Variants in SPTB observed in about 807,000 individuals in gnomAD.
SPTB encodes the protein spectrin beta chain, erythrocytic.
In SPTB, 45 loss-of-function variants were observed where a neutral mutation model predicts 256.2. The observed-to-expected ratio is 0.18, with a 90% CI of 0.14 to 0.23. The LOEUF is 0.23. Ranked by LOEUF, SPTB falls within the 10% of genes least tolerant of loss-of-function variation. SPTB has a pLI of 1.00. For missense variants in SPTB, 2,715 were observed against 3,040.4 expected (o/e 0.89, Z 2.52); for synonymous variants, 1,231 against 1,243.1 (o/e 0.99, Z 0.21).
chr14:64,767,983 G>A, intron 29 of SPTB, 124 bp from the exon 30 acceptor site: 1 of 1,048,320 alleles, frequency 9.5e-7, no homozygotes, highest in Non-Finnish European at 1.4e-6. Flanking sequence ...TAAACCACAT[G>A]GATACGCTTG....
chr14:64,855,983 C>T (rs1168166489), intron 1 of SPTB, among the ~76,000 whole-genome samples: 1 of 152,232 alleles, frequency 6.6e-6, no homozygotes, highest in Non-Finnish European at 1.5e-5. Flanking sequence ...CTGGCTGAAG[C>T]CCAGGCTCCG....
chr14:64,879,026 G>A (rs972767816), intron 1 of SPTB, among the ~76,000 whole-genome samples: 1 of 152,210 alleles, frequency 6.6e-6, no homozygotes. Context: ...TTGTTTTACA[G>A]CTTCTGTTAT....
chr14:64,874,586 T>C (rs996774682), intron 1 of SPTB, among the ~76,000 whole-genome samples: 2 of 152,238 alleles, frequency 1.3e-5, no homozygotes, highest in African/African-American at 2.4e-5. Flanking sequence ...ATGAAGCTAA[T>C]TGACCACTCC....
rs1398436931 is a variant in SPTB at position 64,748,825 on chromosome 14, GTCT to G, written c.*478_*480del. 2.4e-5 allele frequency: 4 copies of G among 168,524 alleles called. No individual in the cohort carries two copies. The highest frequency in any genetic ancestry group is 5.0e-5 in the Non-Finnish European group (4 of 79,826). The allele number at this position is 168,524 out of a possible 1,614,324, so 10.4% of individuals were successfully genotyped here. ...AGGGGGCTGGCCATGCATTTCCAGT[GTCT>G]TCTTCCTTTCCCCTTTCCCTGGCTG... On this transcript the variant is annotated 3_prime_UTR_variant, in exon 36 of 36. Transcript: ENST00000644917.
intron 27 of SPTB, 45 bp downstream of exon 27, chr14:64,770,840 T>G (rs1368626401): frequency 1.2e-6 from 2 of 1,613,310 alleles, no homozygotes; most frequent in East Asian, 4.5e-5. Context: ...CGGGCTCCTC[T>G]GGCCTGGAGA....
At chr14:64,788,142 C>T (rs975891180) in intron 15 of SPTB, among the ~76,000 whole-genome samples, 1 of 152,166 alleles carries the variant, frequency 6.6e-6, no homozygotes, top group Non-Finnish European at 1.5e-5. Flanking sequence ...AGGATTAAGG[C>T]AGCTGGAAGG....
At chr14:64,782,225 G>A in intron 20 of SPTB, 65 bp downstream of exon 20, 3 of 1,609,590 alleles carry the variant, frequency 1.9e-6, no homozygotes, top group Non-Finnish European at 8.5e-7. Flanking sequence ...AAAAATAAAG[G>A]TGTCAGACTG....
At chr14:64,751,101 T>C (rs1057119286) in intron 33 of SPTB, among the ~76,000 whole-genome samples, 7 of 146,314 alleles carry the variant, frequency 4.8e-5, no homozygotes, top group African/African-American at 1.7e-4. Flanking sequence ...TTATACATAA[T>C]ATATATAATA....
rs571733505 is a variant in SPTB at position 64,753,778 on chromosome 14, T to C, written c.6361A>G (p.Thr2121Ala). Residue 2121 changes from threonine (T) to alanine (A), a missense_variant, in exon 33 of 36, where the codon ACG becomes GCG. Physicochemically the swap from Thr to Ala is moderately conservative, Grantham distance 58. Coordinates refer to ENST00000644917, the MANE Select transcript of SPTB (RefSeq NM_001355436.2). Reference sequence around the variant, plus strand: ...GGCTGCTGCAGGTTCTGAGGCCACGTTCCCTCTTCTTCCCCCTGCTCAGGG... The same window carrying C: ...GGCTGCTGCAGGTTCTGAGGCCACGCTCCCTCTTCTTCCCCCTGCTCAGGG... Reference protein sequence around the residue: ...ERTSPGEEEGTWPQNLQQPPP... With the variant: ...ERTSPGEEEGAWPQNLQQPPP... 2.5e-5 allele frequency: 40 copies of C among 1,613,284 alleles called. No individual in the cohort carries two copies. The African/African-American group carries it at 4.8e-4, about 19-fold the overall frequency.
intron 1 of SPTB, among the ~76,000 whole-genome samples, chr14:64,876,538 C>T (rs185054965): frequency 2.1e-4 from 32 of 152,284 alleles, no homozygotes; most frequent in African/African-American, 7.0e-4. Flanking sequence ...ACGTATCTGA[C>T]GGTCTCAACA....
Position 64,822,351 on chromosome 14 carries a change from TTC to T in SPTB, c.148+594_148+595del, listed in dbSNP as rs200994413. Reference sequence around the variant, plus strand: ...ATTTAAGATATTCTCCACCCCCACCTTCTCTCTCTCTCTCTCTCTCTCTCACA... The same window carrying T: ...ATTTAAGATATTCTCCACCCCCACCTTCTCTCTCTCTCTCTCTCTCTCACA... On this transcript the variant is annotated intron_variant, in intron 2 of 35. Transcript: ENST00000644917. Among the ~76,000 whole-genome samples, 52 of 8,212 alleles carry T rather than the reference TTC, an allele frequency of 6.3e-3. 6 individuals carry two copies. Among genetic ancestry groups the T allele is most frequent in the African/African-American group, 7.7e-3 (12 of 1,556 alleles). 5.4% of individuals were successfully genotyped at this position (8,212 alleles called of 152,430 possible).
intron 2 of SPTB, 105 bp downstream of exon 2, chr14:64,822,842 G>GCCA: frequency 6.5e-7 from 1 of 1,537,990 alleles, no homozygotes; most frequent in Non-Finnish European, 9.0e-7. Context: ...TCACTGCCAT[G>GCCA]CCAGGGCTCA....
intron 1 of SPTB, among the ~76,000 whole-genome samples, chr14:64,832,132 T>C (rs569110924): frequency 1.3e-5 from 2 of 152,300 alleles, no homozygotes; most frequent in East Asian, 3.9e-4. Context: ...AGTGTACTTA[T>C]CTATATTCAT....
chr14:64,773,076 C>G, intron 25 of SPTB, 122 bp from the exon 26 acceptor site: 1 of 1,555,366 alleles, frequency 6.4e-7, no homozygotes, highest in South Asian at 1.1e-5. Context: ...GTCACACCTT[C>G]CCCAGGGCAG....
At chr14:64,767,593 G>A in intron 30 of SPTB, 70 bp downstream of exon 30, 4 of 1,583,144 alleles carry the variant, frequency 2.5e-6, no homozygotes, top group Non-Finnish European at 1.7e-6. Flanking sequence ...CTGGCCTGGA[G>A]TCCTTACATG....
chr14:64,861,193 C>T (rs1489762239), intron 1 of SPTB, among the ~76,000 whole-genome samples: 1 of 152,016 alleles, frequency 6.6e-6, no homozygotes, highest in African/African-American at 2.4e-5. Flanking sequence ...ACACCAGGGC[C>T]TATCGGGGGT....
chr14:64,762,049 T>C (rs1180796444), intron 32 of SPTB, among the ~76,000 whole-genome samples: 1 of 152,116 alleles, frequency 6.6e-6, no homozygotes, highest in African/African-American at 2.4e-5. Flanking sequence ...GAAAGGGACA[T>C]GCCCAGCAGC....
At chr14:64,814,739 G>A (rs1229198860) in intron 2 of SPTB, among the ~76,000 whole-genome samples, 2 of 152,052 alleles carry the variant, frequency 1.3e-5, no homozygotes, top group Non-Finnish European at 2.9e-5. Context: ...CTGGTCTCGA[G>A]CTCCTGGCCT....
At chr14:64,843,417 G>A (rs2083638668) in intron 1 of SPTB, among the ~76,000 whole-genome samples, 1 of 152,134 alleles carries the variant, frequency 6.6e-6, no homozygotes, top group Non-Finnish European at 1.5e-5. Context: ...AAGGGGAAAA[G>A]ATGTTTTTAT....
Sources: allele counts gnomAD v4.1 joint callset (sites outside exome capture counted in the v4.1 genomes callset), GRCh38; gene constraint gnomAD v4.1.1; transcripts MANE v1.5; gene names NCBI Gene and HGNC (gene_info 2026-07-23, HGNC 2026-07-21).